QSOX2: variants seen among roughly 807,000 people sequenced by gnomAD.
QSOX2 encodes the protein quiescin sulfhydryl oxidase 2.
A neutral mutation model predicts 61.7 loss-of-function variants in QSOX2; 46 were observed. That is an observed-to-expected ratio of 0.75 (90% confidence interval 0.59 to 0.95). QSOX2 has a LOEUF of 0.95. Ranked by LOEUF, QSOX2 falls within the 40% of genes least tolerant of loss-of-function variation. The probability of loss-of-function intolerance (pLI) is 0.00; values close to 1 mark genes in which losing one functional copy is unlikely to be tolerated. For missense variants in QSOX2, 879 were observed against 918.9 expected, an observed-to-expected ratio of 0.96 and a Z score of 0.56; for synonymous variants, 383 against 388.4, an observed-to-expected ratio of 0.99 and a Z score of 0.16.
rs1216444343 is a variant in QSOX2, at chr9:136,222,145, G to A, written c.676-204C>T. Among the ~76,000 whole-genome samples, 1 of 152,172 alleles carries A rather than the reference G, an allele frequency of 6.6e-6. No individual in the cohort carries two copies. Among genetic ancestry groups the A allele is most frequent in the Non-Finnish European group, 1.5e-5 (1 of 68,040 alleles). ...ACACACGCCATGAGCAGAAACCACG[G>A]TCTTATTCGGCAATTTTACAAACTC... On this transcript the variant is annotated intron_variant, in intron 5 of 11. Coordinates refer to ENST00000358701, the MANE Select transcript of QSOX2 (RefSeq NM_181701.4). The surrounding 1 kb of genome is among the most constrained non-coding windows in gnomAD (Gnocchi z 6.9).
chr9:136,222,224 G>A lies in QSOX2; in HGVS notation c.676-283C>T, dbSNP rs142610841. On this transcript the variant is annotated intron_variant, in intron 5 of 11. Transcript: ENST00000358701. The surrounding 1 kb of genome is among the most constrained non-coding windows in gnomAD (Gnocchi z 6.9). ...GCACTTGACTTTCTAAAACCAGCGC[G>A]CCCCCCACAACACTGATACTGGTCA... 8.5e-5 allele frequency among the ~76,000 whole-genome samples: 13 copies of A among 152,246 alleles called. 1 individual carries two copies. The South Asian group carries it at 1.7e-3, about 19-fold the overall frequency.
chr9:136,224,157 T>A, intron 3 of QSOX2, 45 bp from the exon 4 acceptor site: 1 of 1,500,686 alleles, frequency 6.7e-7, no homozygotes, highest in East Asian at 2.3e-5. Flanking sequence ...GCGGCTGTCC[T>A]CGTGGGGCAG....
At chr9:136,219,252 C>A in intron 6 of QSOX2, 88 bp from the exon 7 acceptor site, 1 of 1,463,558 alleles carries the variant, frequency 6.8e-7, no homozygotes, top group Non-Finnish European at 9.1e-7. Flanking sequence ...AGCTCTGGGC[C>A]ACCCCTTTCA....
intron 10 of QSOX2, 71 bp from the exon 11 acceptor site, chr9:136,211,523 A>G: frequency 6.6e-7 from 1 of 1,523,236 alleles, no homozygotes; most frequent in Non-Finnish European, 9.0e-7. Flanking sequence ...TTGTCCAGAG[A>G]GCCTGGGGGG....
In QSOX2 at chr9:136,223,886, CG is replaced by C. The variant is rs777988773; in HGVS notation, c.585-34del. The C allele has an allele frequency of 9.5e-5, 153 of 1,604,012 alleles. No individual in the cohort carries two copies. Among genetic ancestry groups the C allele is most frequent in the Non-Finnish European group, 1.2e-4 (143 of 1,171,402 alleles). On this transcript the variant is annotated intron_variant, in intron 4 of 11. Coordinates refer to ENST00000358701, the MANE Select transcript of QSOX2 (RefSeq NM_181701.4). This position sits in a 1 kb window ranked among gnomAD's most constrained non-coding sequence, Gnocchi z 4.4. ...GAGGAAAAAAAGAGGCTTTTAGTGC[CG>C]TCAACAGCAGCGAGTTGGCCACCAC...
intron 6 of QSOX2, among the ~76,000 whole-genome samples, chr9:136,219,376 T>G (rs935367701): frequency 1.3e-5 from 2 of 152,210 alleles, no homozygotes; most frequent in Non-Finnish European, 2.9e-5. Context: ...ATCCACAGAT[T>G]TACAACCAGT....
At chr9:136,212,554 C>T (rs901287098) in intron 10 of QSOX2, among the ~76,000 whole-genome samples, 20 of 152,296 alleles carry the variant, frequency 1.3e-4, no homozygotes, top group African/African-American at 4.3e-4. Flanking sequence ...AGACCACCTC[C>T]TCCTCAGCCT....
chr9:136,227,001 C>G (rs1016574189), intron 1 of QSOX2, 127 bp from the exon 2 acceptor site: 32 of 715,244 alleles, frequency 4.5e-5, no homozygotes, highest in Non-Finnish European at 7.4e-5. Flanking sequence ...TCTAGGTCAT[C>G]AGTTAGGCCC....
chr9:136,224,196 C>A, intron 3 of QSOX2, 84 bp from the exon 4 acceptor site: 1 of 1,079,312 alleles, frequency 9.3e-7, no homozygotes, highest in South Asian at 1.4e-5. Flanking sequence ...CAGCCCCGTC[C>A]CAGCCTGGGG....
In QSOX2 at chr9:136,210,846, A is replaced by G. The variant is rs1588631707; in HGVS notation, c.1549+418T>C. 4.1e-6 allele frequency: 4 copies of G among 985,090 alleles called. No homozygotes were observed. In the East Asian group the frequency reaches 4.5e-4, roughly 112 times the overall value. 61.0% of individuals were successfully genotyped at this position (985,090 alleles called of 1,614,324 possible). On this transcript the variant is annotated intron_variant, in intron 11 of 11. Transcript: ENST00000358701. ...CCCTATTTAATTATTTTTTTTTAAC[A>G]AAACAAAGCACTTTGAGAGGTTTGG...
Position 136,221,778 on chromosome 9 carries a change from C to T in QSOX2, c.821+18G>A, listed in dbSNP as rs1830216380. On this transcript the variant is annotated intron_variant, in intron 6 of 11. Transcript: ENST00000358701. This position sits in a 1 kb window ranked among gnomAD's most constrained non-coding sequence, Gnocchi z 4.5. ...CTCCGAGCGGCACGGAGTTCCCAGA[C>T]CCCACCCGGGCACTCACACGTTAAT... The T allele has an allele frequency of 6.3e-7, 1 of 1,578,474 alleles. No homozygotes were observed. The highest frequency in any genetic ancestry group is 8.6e-7 in the Non-Finnish European group (1 of 1,159,540).
intron 8 of QSOX2, among the ~76,000 whole-genome samples, chr9:136,217,970 T>G (rs1831933748): frequency 6.6e-6 from 1 of 152,274 alleles, no homozygotes; most frequent in Admixed American, 6.5e-5. Flanking sequence ...CTATCCAAAG[T>G]GCTCACTATA....
chr9:136,209,329 C>T lies in QSOX2; in HGVS notation c.1550-54G>A, dbSNP rs76888499. 1.4e-3 allele frequency: 2,206 copies of T among 1,569,272 alleles called. 38 individuals carry two copies. The South Asian group carries it at 0.024, about 17-fold the overall frequency. ...GAGGGAAGGAGGCTTTGTGCAGCCA[C>T]GTGCAGCGTGCGGCAACCGGACTCC... On this transcript the variant is annotated intron_variant, in intron 11 of 11. Coordinates refer to ENST00000358701, the MANE Select transcript of QSOX2 (RefSeq NM_181701.4). The surrounding 1 kb of genome is among the most constrained non-coding windows in gnomAD (Gnocchi z 5.6).
chr9:136,236,411 C>T (rs571419208), intron 1 of QSOX2, among the ~76,000 whole-genome samples: 18 of 152,348 alleles, frequency 1.2e-4, no homozygotes, highest in African/African-American at 4.1e-4. Context: ...CTGAAACAGG[C>T]CGCAGCTGCC....
At chr9:136,211,585 AG>A in intron 10 of QSOX2, 133 bp from the exon 11 acceptor site, 1 of 824,184 alleles carries the variant, frequency 1.2e-6, no homozygotes, top group Non-Finnish European at 1.9e-6. Context: ...CAGGGGCCTC[AG>A]GCTGTGGGCA....
At chr9:136,225,727 A>G (rs1292089583) in intron 2 of QSOX2, among the ~76,000 whole-genome samples, 1 of 152,254 alleles carries the variant, frequency 6.6e-6, no homozygotes, top group East Asian at 1.9e-4. Flanking sequence ...AGCCTGGAAG[A>G]GCCCACACAC....
intron 8 of QSOX2, among the ~76,000 whole-genome samples, 165 bp downstream of exon 8, chr9:136,218,514 C>G (rs112767318): frequency 6.6e-6 from 1 of 152,242 alleles, no homozygotes; most frequent in Non-Finnish European, 1.5e-5. Flanking sequence ...AGGAGGCACT[C>G]GGGAAATGGG....
intron 8 of QSOX2, among the ~76,000 whole-genome samples, chr9:136,216,976 G>A (rs1247711245): frequency 6.6e-6 from 1 of 152,192 alleles, no homozygotes; most frequent in African/African-American, 2.4e-5. Flanking sequence ...CGTGCCTGCA[G>A]CTCACCCACC....
chr9:136,209,017 T>C lies in QSOX2; in HGVS notation c.1808A>G (p.Asp603Gly). Reference protein sequence around the residue: ...RLTPPEVSHGDRDTQSVRPPG... With the variant: ...RLTPPEVSHGGRDTQSVRPPG... ...TGGACGGACGCTCTGGGTGTCTCGG[T>C]CTCCATGGGACACCTCTGGGGGAGT... Residue 603 changes from aspartate to glycine, a missense_variant, in exon 12 of 12, where the codon GAC (aspartate) becomes GGC (glycine). By Grantham distance (94) the Asp-to-Gly change is moderately conservative. Transcript: ENST00000358701. The surrounding 1 kb of genome is among the most constrained non-coding windows in gnomAD (Gnocchi z 5.6). 1 of 1,613,912 alleles carries C rather than the reference T, an allele frequency of 6.2e-7. No individual in the cohort carries two copies. The highest frequency in any genetic ancestry group is 8.5e-7 in the Non-Finnish European group (1 of 1,179,884).
Sources: allele counts gnomAD v4.1 joint callset (sites outside exome capture counted in the v4.1 genomes callset), GRCh38; gene constraint gnomAD v4.1.1; non-coding constraint Gnocchi (gnomAD v3.1); transcripts MANE v1.5; gene names NCBI Gene and HGNC (gene_info 2026-07-23, HGNC 2026-07-21).